The following TMEM232 variants were observed in gnomAD, a reference collection of about 807,000 sequenced individuals.
TMEM232 encodes the protein transmembrane protein 232.
TMEM232 carries 80 observed loss-of-function variants against 78.8 expected under a neutral mutation model. That is an observed-to-expected ratio of 1.01 (90% CI 0.85 to 1.22). The LOEUF (loss-of-function observed/expected upper bound fraction) is 1.22. TMEM232 is among the 50% of genes most tolerant of loss of function. TMEM232 has a pLI of 0.00. For synonymous variants in TMEM232, 297 were observed against 254.3 expected, an observed-to-expected ratio of 1.17 and a Z score of -1.60; for missense variants, 881 against 742.2, an observed-to-expected ratio of 1.19 and a Z score of -2.17.
chr5:110,634,324 C>A (rs147125498), intron 5 of TMEM232, among the ~76,000 whole-genome samples: 1 of 152,194 alleles, frequency 6.6e-6, no homozygotes, highest in East Asian at 1.9e-4. Context: ...TTGTATTTAA[C>A]TTGGACTTTA....
chr5:110,487,405 C>G (rs1186698184), intron 12 of TMEM232, among the ~76,000 whole-genome samples: 1 of 152,040 alleles, frequency 6.6e-6, no homozygotes, highest in African/African-American at 2.4e-5. Context: ...AGAGGGAATG[C>G]TTTCAACTTT....
chr5:110,470,345 A>T (rs891708429), intron 12 of TMEM232, among the ~76,000 whole-genome samples: 1 of 151,522 alleles, frequency 6.6e-6, no homozygotes, highest in African/African-American at 2.4e-5. Flanking sequence ...TCCACATTCT[A>T]CCCGACCACA....
upstream of TMEM232, among the ~76,000 whole-genome samples, chr5:110,728,852 CTT>C (rs36095992): frequency 7.1e-6 from 1 of 140,610 alleles, no homozygotes; most frequent in African/African-American, 2.6e-5. Flanking sequence ...TTTTTTTCTG[CTT>C]TTTTTTTTTT....
chr5:110,713,380 A>G (rs1796695507), intron 1 of TMEM232, among the ~76,000 whole-genome samples: 1 of 152,154 alleles, frequency 6.6e-6, no homozygotes, highest in South Asian at 2.1e-4. Context: ...TTAATTATAA[A>G]TTTAAAAATA....
chr5:110,525,168 GAA>G (rs756779219), intron 12 of TMEM232, among the ~76,000 whole-genome samples: 1 of 117,026 alleles, frequency 8.5e-6, no homozygotes. Flanking sequence ...GTAACAATAA[GAA>G]AAAAAAAAAA....
chr5:110,603,101 T>C (rs936556254), intron 10 of TMEM232, among the ~76,000 whole-genome samples: 7 of 151,930 alleles, frequency 4.6e-5, no homozygotes, highest in Non-Finnish European at 8.8e-5. Context: ...TGGGAACCCA[T>C]GGACACAGGG....
chr5:110,415,257 G>A (rs1487985830), downstream of TMEM232, among the ~76,000 whole-genome samples: 3 of 150,754 alleles, frequency 2.0e-5, no homozygotes, highest in East Asian at 2.0e-4. Flanking sequence ...GTGCGATCTC[G>A]GTTCACTGCA....
chr5:110,400,550 T>G (rs556961061), intron 2 of TMEM232, among the ~76,000 whole-genome samples: 4 of 152,178 alleles, frequency 2.6e-5, no homozygotes, highest in Non-Finnish European at 5.9e-5. Context: ...AGATGTCATA[T>G]GTGTATTACA....
chr5:110,453,871 G>A (rs2149341081), intron 12 of TMEM232, among the ~76,000 whole-genome samples: 1 of 149,970 alleles, frequency 6.7e-6, no homozygotes, highest in East Asian at 1.9e-4. Context: ...AGCACCACAG[G>A]CAGTGTGATA....
chr5:110,424,643 C>A (rs1343999590), intron 13 of TMEM232, among the ~76,000 whole-genome samples, 180 bp downstream of exon 13: 2 of 150,930 alleles, frequency 1.3e-5, no homozygotes, highest in African/African-American at 4.9e-5. Context: ...TTTCTGCAAC[C>A]CAATGAAGAC....
intron 12 of TMEM232, among the ~76,000 whole-genome samples, chr5:110,436,727 A>G (rs1029081097): frequency 1.3e-5 from 2 of 151,740 alleles, no homozygotes; most frequent in African/African-American, 2.4e-5. Context: ...TTTTCCCCCA[A>G]CGTATTCCTG....
At chr5:110,583,892 T>C (rs2149737869) in intron 10 of TMEM232, among the ~76,000 whole-genome samples, 1 of 148,204 alleles carries the variant, frequency 6.7e-6, no homozygotes, top group South Asian at 2.1e-4. Flanking sequence ...ATGCTCAATA[T>C]CACTAATTAT....
chr5:110,519,178 G>C (rs547746294), intron 12 of TMEM232, among the ~76,000 whole-genome samples: 31 of 152,126 alleles, frequency 2.0e-4, no homozygotes, highest in African/African-American at 6.7e-4. Flanking sequence ...ACTTAAGAAA[G>C]AGAAAGATCT....
chr5:110,656,407 T>C (rs80143654), intron 2 of TMEM232, among the ~76,000 whole-genome samples: 2 of 151,594 alleles, frequency 1.3e-5, no homozygotes, highest in African/African-American at 4.8e-5. Flanking sequence ...CTTATGTTAA[T>C]TTTTTTTTGT....
rs1277139606 is a variant in TMEM232 at position 110,463,394 on chromosome 5, C to A, written c.1704-38478G>T. On this transcript the variant is annotated intron_variant, in intron 12 of 13. Coordinates refer to ENST00000455884, the MANE Select transcript of TMEM232 (RefSeq NM_001039763.4). ...AGACTACAGTATAGTTTAAACATAA[C>A]TTTTATATGCACTGGGGAATAACAG... Among the ~76,000 whole-genome samples, 4 of 152,230 alleles carry A rather than the reference C, an allele frequency of 2.6e-5. No individual in the cohort carries two copies. The East Asian group carries it at 7.7e-4, about 29-fold the overall frequency.
chr5:110,706,805 A>G (rs1795974038), intron 1 of TMEM232, among the ~76,000 whole-genome samples: 1 of 152,204 alleles, frequency 6.6e-6, no homozygotes. Context: ...CCAGCATAGG[A>G]TAAGAGCCTT....
intron 12 of TMEM232, among the ~76,000 whole-genome samples, chr5:110,488,806 T>C (rs1764731130): frequency 6.6e-6 from 1 of 151,984 alleles, no homozygotes; most frequent in African/African-American, 2.4e-5. Context: ...ATGACAATCC[T>C]TTAGCTACAT....
At chr5:110,395,506 T>C (rs1309737567) in intron 3 of TMEM232, among the ~76,000 whole-genome samples, 6 of 152,178 alleles carry the variant, frequency 3.9e-5, no homozygotes, top group Non-Finnish European at 8.8e-5. Flanking sequence ...TCGACTCTTA[T>C]TTGATGTGCC....
At chr5:110,469,234 G>A (rs1159824908) in intron 12 of TMEM232, among the ~76,000 whole-genome samples, 1 of 152,152 alleles carries the variant, frequency 6.6e-6, no homozygotes, top group Non-Finnish European at 1.5e-5. Flanking sequence ...TTTTGGAACT[G>A]GAACTATGGC....
Sources: gnomAD v4.1 joint callset for allele counts (sites outside exome capture counted in the v4.1 genomes callset) on GRCh38, gnomAD v4.1.1 for gene constraint, MANE v1.5 for transcripts, NCBI Gene and HGNC (gene_info 2026-07-23, HGNC 2026-07-21) for gene names.